Variants in TBC1D19 observed in about 807,000 individuals in gnomAD.
TBC1D19 encodes the protein TBC1 domain family member 19.
TBC1D19 carries 60 observed loss-of-function variants against 89.0 expected under a neutral mutation model. The ratio of observed to expected loss-of-function variants is 0.67; its 90% CI spans 0.55 to 0.84. The LOEUF is 0.84. Among genes scored for constraint, TBC1D19 ranks in the 40% least tolerant of loss-of-function variants. The pLI, the probability that TBC1D19 is intolerant of heterozygous loss-of-function variation, is 0.00. For synonymous variants in TBC1D19, 189 were observed against 199.7 expected (o/e 0.95, Z 0.45); for missense variants, 500 against 610.8 (o/e 0.82, Z 1.91).
chr4:26,627,729 A>T (rs1742520638), intron 4 of TBC1D19, among the ~76,000 whole-genome samples: 1 of 151,706 alleles, frequency 6.6e-6, no homozygotes, highest in South Asian at 2.1e-4. Context: ...CCACTTTTTG[A>T]TGGGGTTGTT....
At chr4:26,581,649 C>T (rs908612141), upstream of TBC1D19, among the ~76,000 whole-genome samples, 2 of 152,172 alleles carry the variant, frequency 1.3e-5, no homozygotes, top group Admixed American at 6.5e-5. Flanking sequence ...GTAATCTGTA[C>T]CTTCAGTTTC....
At chr4:26,831,998 C>G in the TBC1D19 span, among the ~76,000 whole-genome samples, 3 of 152,132 alleles carry the variant, frequency 2.0e-5, no homozygotes, top group Non-Finnish European at 4.4e-5. Context: ...TTTGCAAAAA[C>G]AAAATACCTG....
chr4:26,581,896 T>C (rs1177988439), upstream of TBC1D19, among the ~76,000 whole-genome samples: 1 of 152,168 alleles, frequency 6.6e-6, no homozygotes, highest in Non-Finnish European at 1.5e-5. Flanking sequence ...ACAAAGACCA[T>C]TCTGTAATTA....
chr4:26,747,230 G>C (rs539477690), intron 18 of TBC1D19, among the ~76,000 whole-genome samples: 2 of 152,232 alleles, frequency 1.3e-5, no homozygotes, highest in South Asian at 4.1e-4. Flanking sequence ...GGGATGTGTG[G>C]CACTATTCCT....
the TBC1D19 span, among the ~76,000 whole-genome samples, chr4:26,773,823 ATG>A: frequency 6.6e-6 from 1 of 152,058 alleles, no homozygotes. Flanking sequence ...CCATTGGTCT[ATG>A]TGTCTGTTCT....
the TBC1D19 span, among the ~76,000 whole-genome samples, chr4:26,803,934 T>C: frequency 6.8e-6 from 1 of 146,290 alleles, no homozygotes; most frequent in South Asian, 2.2e-4. Flanking sequence ...GGAGGGGGCA[T>C]GGAGGTAGGA....
chr4:26,696,568 C>A (rs1714802560), intron 13 of TBC1D19, among the ~76,000 whole-genome samples: 2 of 152,180 alleles, frequency 1.3e-5, no homozygotes, highest in Admixed American at 6.5e-5. Flanking sequence ...CTTCTCAGCA[C>A]CACATCACAC....
At chr4:26,654,398 T>A (rs899517721) in intron 7 of TBC1D19, among the ~76,000 whole-genome samples, 1 of 152,192 alleles carries the variant, frequency 6.6e-6, no homozygotes, top group African/African-American at 2.4e-5. Flanking sequence ...TTCTCTGTAT[T>A]TCCTGCATTT....
chr4:26,799,837 C>T, the TBC1D19 span, among the ~76,000 whole-genome samples: 1 of 152,040 alleles, frequency 6.6e-6, no homozygotes, highest in Non-Finnish European at 1.5e-5. Context: ...GGAGCCCAAC[C>T]GGAATAAGAT....
intron 18 of TBC1D19, among the ~76,000 whole-genome samples, chr4:26,745,403 T>C (rs1303661551): frequency 1.3e-5 from 2 of 151,712 alleles, no homozygotes; most frequent in African/African-American, 2.4e-5. Context: ...TACTTTTGAA[T>C]TGAACATTTT....
intron 13 of TBC1D19, among the ~76,000 whole-genome samples, chr4:26,714,405 A>T (rs896817024): frequency 6.6e-6 from 1 of 151,938 alleles, no homozygotes; most frequent in Non-Finnish European, 1.5e-5. Flanking sequence ...AACTGAAACT[A>T]CTCTCGTCAA....
intron 7 of TBC1D19, among the ~76,000 whole-genome samples, chr4:26,651,706 C>G: frequency 6.6e-6 from 1 of 152,094 alleles, no homozygotes; most frequent in Middle Eastern, 3.2e-3. Flanking sequence ...CCCTTTATTT[C>G]CTTCTCCTGC....
the TBC1D19 span, among the ~76,000 whole-genome samples, chr4:26,762,158 A>G: frequency 3.9e-5 from 6 of 152,094 alleles, no homozygotes; most frequent in African/African-American, 1.2e-4. Context: ...TAAATAAAAC[A>G]GTAGGGGAAA....
rs114262259 is a variant in TBC1D19, at chr4:26,720,190, T to C, written c.1084+65T>C. On this transcript the variant is annotated intron_variant, in intron 15 of 20. Coordinates refer to ENST00000264866, the MANE Select transcript of TBC1D19 (RefSeq NM_018317.4). ...AAAATTACAACTTTTATAATCAAAA[T>C]GTGACTTTCTTATTCTCTTTAATGG... is the stretch of plus-strand genomic sequence containing the variant. 1.8e-3 allele frequency: 2,306 copies of C among 1,256,580 alleles called. 27 individuals are homozygous for C. The African/African-American group carries it at 0.03, about 16-fold the overall frequency. The allele number at this position is 1,256,580 out of a possible 1,614,324, so 77.8% of individuals were successfully genotyped here.
chr4:26,710,609 C>T (rs1045670386), intron 13 of TBC1D19, among the ~76,000 whole-genome samples: 14 of 152,192 alleles, frequency 9.2e-5, no homozygotes, highest in East Asian at 3.9e-4. Context: ...ATCACCACAC[C>T]GACTTCCACA....
At chr4:26,590,875 T>G (rs1739750407) in intron 1 of TBC1D19, among the ~76,000 whole-genome samples, 1 of 137,000 alleles carries the variant, frequency 7.3e-6, no homozygotes, top group African/African-American at 2.8e-5. Flanking sequence ...GGTCTCAAGC[T>G]CCTGGGCTCA....
At chr4:26,806,764 G>A in the TBC1D19 span, among the ~76,000 whole-genome samples, 1 of 152,244 alleles carries the variant, frequency 6.6e-6, no homozygotes, top group Non-Finnish European at 1.5e-5. Flanking sequence ...GTCCTTGCAA[G>A]AAGCCATGTG....
chr4:26,735,010 A>T (rs1033235277), intron 15 of TBC1D19, among the ~76,000 whole-genome samples: 1 of 151,206 alleles, frequency 6.6e-6, no homozygotes, highest in East Asian at 1.9e-4. Flanking sequence ...ACACATATGT[A>T]TATGTGTATA....
intron 11 of TBC1D19, among the ~76,000 whole-genome samples, chr4:26,677,113 G>A (rs1020841589): frequency 3.3e-5 from 5 of 152,006 alleles, no homozygotes; most frequent in Non-Finnish European, 4.4e-5. Context: ...TCAAGGAACC[G>A]TAGCCAGAAA....
Sources: gnomAD v4.1 joint callset for allele counts (sites outside exome capture counted in the v4.1 genomes callset) on GRCh38, gnomAD v4.1.1 for gene constraint, MANE v1.5 for transcripts, NCBI Gene and HGNC (gene_info 2026-07-23, HGNC 2026-07-21) for gene names.